The following ARHGEF4 variants were observed in gnomAD, a reference collection of about 807,000 sequenced individuals.
The protein encoded by ARHGEF4 is APC-stimulated guanine nucleotide exchange factor 1.
In ARHGEF4, 119 loss-of-function variants were observed where a neutral mutation model predicts 162.0. The observed-to-expected ratio is 0.73, with a 90% CI of 0.63 to 0.86. The LOEUF (loss-of-function observed/expected upper bound fraction) is 0.86, where lower values mean the gene tolerates loss of function less well. ARHGEF4 is among the 40% of genes least tolerant of loss of function. The pLI is 0.00. For synonymous variants in ARHGEF4, 1,014 were observed against 979.9 expected (o/e 1.03, Z -0.65); for missense variants, 2,488 against 2,456.0 (o/e 1.01, Z -0.28).
intron 1 of ARHGEF4, among the ~76,000 whole-genome samples, chr2:130,866,708 G>A (rs933904200): frequency 2.6e-5 from 4 of 152,138 alleles, no homozygotes; most frequent in African/African-American, 4.8e-5. Flanking sequence ...CCAGCCTTGC[G>A]TACCTGGGAT....
intron 2 of ARHGEF4, among the ~76,000 whole-genome samples, chr2:130,925,215 A>C (rs910990593): frequency 6.6e-6 from 1 of 152,156 alleles, no homozygotes; most frequent in Non-Finnish European, 1.5e-5. Flanking sequence ...AGTGAGGGGA[A>C]TCAATAATTG....
rs541329936 is a variant in ARHGEF4, at chr2:130,997,453, T to C, written c.3986-30492T>C. 2.0e-3 allele frequency among the ~76,000 whole-genome samples: 301 copies of C among 152,344 alleles called. 1 individual carries two copies. The highest frequency in any genetic ancestry group is 6.6e-3 in the African/African-American group (276 of 41,588). On this transcript the variant is annotated intron_variant, in intron 4 of 13. Coordinates refer to ENST00000409359, the MANE Select transcript of ARHGEF4 (RefSeq NM_001367493.1). ...ATAATCCAGTGCCTTTTGTTTCTTG[T>C]GCTTCACTTACAGCATAAGCAAGAT...
At chr2:130,967,416 C>T (rs1007917490) in intron 4 of ARHGEF4, among the ~76,000 whole-genome samples, 1 of 152,190 alleles carries the variant, frequency 6.6e-6, no homozygotes, top group Non-Finnish European at 1.5e-5. Context: ...GAAGCTTTCA[C>T]AATTTCTGTT....
At chr2:130,920,663 T>G (rs961944129) in intron 2 of ARHGEF4, among the ~76,000 whole-genome samples, 1 of 152,164 alleles carries the variant, frequency 6.6e-6, no homozygotes, top group African/African-American at 2.4e-5. Flanking sequence ...GTGAGAGTAA[T>G]TTGCAAGGAA....
intron 1 of ARHGEF4, among the ~76,000 whole-genome samples, chr2:130,907,027 C>T (rs1249643664): frequency 6.6e-6 from 1 of 152,132 alleles, no homozygotes; most frequent in Non-Finnish European, 1.5e-5. Context: ...AAATCATTCT[C>T]TAGTCCCCAG....
intron 5 of ARHGEF4, among the ~76,000 whole-genome samples, chr2:131,028,453 C>A (rs983392576): frequency 1.3e-5 from 2 of 152,238 alleles, no homozygotes; most frequent in African/African-American, 4.8e-5. Flanking sequence ...ACCCCCCAAC[C>A]AGCCATCTGG....
chr2:130,849,951 TC>T (rs1263851550), intron 1 of ARHGEF4, among the ~76,000 whole-genome samples: 1 of 152,246 alleles, frequency 6.6e-6, no homozygotes, highest in Admixed American at 6.5e-5. Context: ...TAGTGATTTT[TC>T]CTTCTTCCTC....
Position 130,895,686 on chromosome 2 carries a change from T to C in ARHGEF4, c.40-18300T>C, listed in dbSNP as rs1338999026. Among the ~76,000 whole-genome samples, 5 of 152,350 alleles carry C rather than the reference T, an allele frequency of 3.3e-5. No homozygotes were observed. In the East Asian group the frequency reaches 9.6e-4, roughly 29 times the overall value. ...AAATTTTGCATATGCTTTTTTTGGGTTGTTCATCTTCTTATTACTGAGTGT... is the reference window on the plus strand; with the variant it reads ...AAATTTTGCATATGCTTTTTTTGGGCTGTTCATCTTCTTATTACTGAGTGT... On this transcript the variant is annotated intron_variant, in intron 1 of 13. Coordinates refer to ENST00000409359, the MANE Select transcript of ARHGEF4 (RefSeq NM_001367493.1).
chr2:130,896,232 C>T (rs139396765), intron 1 of ARHGEF4, among the ~76,000 whole-genome samples: 1 of 152,078 alleles, frequency 6.6e-6, no homozygotes, highest in Non-Finnish European at 1.5e-5. Context: ...AATACATGAA[C>T]TTTTGTTCTT....
chr2:130,952,581 A>G (rs916057840), intron 4 of ARHGEF4, among the ~76,000 whole-genome samples: 1 of 152,328 alleles, frequency 6.6e-6, no homozygotes, highest in Admixed American at 6.5e-5. Flanking sequence ...GGCAAGAGAA[A>G]GCAATAAAGG....
At chr2:130,912,523 A>C (rs1374111967) in intron 1 of ARHGEF4, among the ~76,000 whole-genome samples, 1 of 152,142 alleles carries the variant, frequency 6.6e-6, no homozygotes, top group Non-Finnish European at 1.5e-5. Context: ...TCCTTCTCTC[A>C]GTTAAGAATT....
chr2:130,916,549 C>T lies in ARHGEF4; in HGVS notation c.2603C>T (p.Thr868Ile). 6.5e-7 allele frequency: 1 copy of T among 1,550,074 alleles called. No homozygotes were observed. The highest frequency in any genetic ancestry group is 8.7e-7 in the Non-Finnish European group (1 of 1,146,834). The part of the protein sequence containing the change: ...EFVPQAAGDR[T>I]AGPAGAGHTG... ...GTCCCGCAGGCTGCAGGCGACAGGA[C>T]TGCAGGGCCGGCAGGAGCGGGGCAC... The change falls in exon 2 of 14, where the codon ACT (threonine) becomes ATT (isoleucine). Residue 868 changes from threonine to isoleucine, a missense_variant. Coordinates refer to ENST00000409359, the MANE Select transcript of ARHGEF4 (RefSeq NM_001367493.1).
chr2:130,847,743 G>A (rs1681096629), intron 1 of ARHGEF4, among the ~76,000 whole-genome samples: 1 of 152,186 alleles, frequency 6.6e-6, no homozygotes, highest in South Asian at 2.1e-4. Context: ...AAAACATCAG[G>A]CGAGGCTTCA....
At chr2:130,919,354 T>A (rs1202403589) in intron 2 of ARHGEF4, among the ~76,000 whole-genome samples, 1 of 152,170 alleles carries the variant, frequency 6.6e-6, no homozygotes, top group African/African-American at 2.4e-5. Context: ...AGCTTTCAGA[T>A]TACTTCTGAA....
At chr2:131,039,856 C>G (rs753893241) in intron 6 of ARHGEF4, 160 bp from the exon 7 acceptor site, 15 of 1,428,552 alleles carry the variant, frequency 1.1e-5, no homozygotes, top group Non-Finnish European at 1.4e-5. Flanking sequence ...CCAGGACTTG[C>G]GTGGGTGGCG....
chr2:131,011,668 C>G (rs1476310754), intron 4 of ARHGEF4: 6 of 1,535,092 alleles, frequency 3.9e-6, no homozygotes, highest in Non-Finnish European at 5.2e-6. Context: ...CCCATCGGAG[C>G]TGATGGGGGT....
intron 1 of ARHGEF4, among the ~76,000 whole-genome samples, chr2:130,890,062 A>G (rs961839796): frequency 1.3e-5 from 2 of 152,038 alleles, no homozygotes; most frequent in Admixed American, 1.3e-4. Context: ...TGGTTTGTTT[A>G]GGGGTGGATT....
intron 1 of ARHGEF4, among the ~76,000 whole-genome samples, chr2:130,903,625 G>T (rs1413888629): frequency 6.6e-6 from 1 of 152,056 alleles, no homozygotes; most frequent in East Asian, 1.9e-4. Context: ...CTGAGGTTTG[G>T]GCTTCTACTG....
chr2:130,915,066 A>G lies in ARHGEF4; in HGVS notation c.1120A>G (p.Arg374Gly). The G allele has an allele frequency of 6.4e-7, 1 of 1,550,742 alleles. No homozygotes were observed. Among genetic ancestry groups the G allele is most frequent in the African/African-American group, 1.4e-5 (1 of 73,176 alleles). The change falls in exon 2 of 14, where the codon AGA becomes GGA. Residue 374 changes from arginine (R) to glycine (G), a missense_variant. This residue lies in a region of ARHGEF4 where 1,642 missense variants were observed against 1,481.5 expected (regional missense o/e 1.11). Transcript: ENST00000409359. ...AGGGGCCAAAAATGAACGAGATCCA[A>G]GAATACAAAACATCCCTTCCCCTGC... ...KEGAKNERDP[R>G]IQNIPSPAPT...
Sources: gnomAD v4.1 joint callset for allele counts (sites outside exome capture counted in the v4.1 genomes callset) on GRCh38, gnomAD v4.1.1 for gene constraint, gnomAD v4.1.1 regional missense constraint, MANE v1.5 for transcripts, NCBI Gene and HGNC (gene_info 2026-07-23, HGNC 2026-07-21) for gene names.